Variants in CNTN3 observed in about 807,000 individuals in gnomAD.
The protein encoded by CNTN3 is contactin 3.
In CNTN3, 60 loss-of-function variants were observed where a neutral mutation model predicts 119.1. The ratio of observed to expected loss-of-function variants is 0.50; its 90% CI spans 0.41 to 0.62. CNTN3 has a LOEUF of 0.62. CNTN3 is among the 20% of genes least tolerant of loss of function. CNTN3 has a pLI of 0.00. For missense variants in CNTN3, 1,101 were observed against 1,242.4 expected (o/e 0.89, Z 1.71); for synonymous variants, 450 against 438.7 (o/e 1.03, Z -0.32).
chr3:74,346,382 T>G (rs2106737330), intron 11 of CNTN3, among the ~76,000 whole-genome samples: 1 of 152,054 alleles, frequency 6.6e-6, no homozygotes, highest in South Asian at 2.1e-4. Flanking sequence ...ATATATTCCT[T>G]CTCAATTATA....
chr3:74,279,988 C>A (rs1701968933), intron 20 of CNTN3, among the ~76,000 whole-genome samples: 1 of 151,948 alleles, frequency 6.6e-6, no homozygotes, highest in Admixed American at 6.6e-5. Context: ...AATAACTGTA[C>A]ATTTTTATAT....
intron 4 of CNTN3, among the ~76,000 whole-genome samples, chr3:74,453,690 T>C (rs1272114909): frequency 4.4e-4 from 67 of 150,832 alleles, no homozygotes; most frequent in Middle Eastern, 3.4e-3. Context: ...GCTTTGAATG[T>C]GTCCCAGAGA....
intron 1 of CNTN3, among the ~76,000 whole-genome samples, chr3:74,587,855 G>C (rs902355653): frequency 6.6e-6 from 1 of 152,172 alleles, no homozygotes; most frequent in African/African-American, 2.4e-5. Flanking sequence ...GTGAGAGAGG[G>C]CATCCCTGTC....
intron 4 of CNTN3, among the ~76,000 whole-genome samples, chr3:74,445,799 T>C (rs1702039474): frequency 6.6e-6 from 1 of 152,154 alleles, no homozygotes; most frequent in African/African-American, 2.4e-5. Context: ...CATTCTTCAT[T>C]GGTGTTTAAA....
intron 4 of CNTN3, among the ~76,000 whole-genome samples, chr3:74,484,818 C>G (rs1025843286): frequency 8.5e-5 from 13 of 152,128 alleles, no homozygotes; most frequent in Admixed American, 2.0e-4. Flanking sequence ...TTAAACAGCT[C>G]CAAGACTCAA....
intron 5 of CNTN3, among the ~76,000 whole-genome samples, chr3:74,422,561 A>G (rs953172572): frequency 6.6e-6 from 1 of 152,172 alleles, no homozygotes; most frequent in African/African-American, 2.4e-5. Flanking sequence ...TGTTTCCTCC[A>G]ACAGCTTACT....
At chr3:74,309,011 G>A (rs539213291) in intron 13 of CNTN3, among the ~76,000 whole-genome samples, 73 of 152,234 alleles carry the variant, frequency 4.8e-4, no homozygotes, top group Non-Finnish European at 9.0e-4. Context: ...AGCCGGAGAC[G>A]TTTGCTCTGT....
chr3:74,605,607 T>C (rs1050648780), intron 1 of CNTN3, among the ~76,000 whole-genome samples: 8 of 152,122 alleles, frequency 5.3e-5, no homozygotes, highest in Non-Finnish European at 2.9e-5. Context: ...GATAGCTTAA[T>C]TGGGACTGAT....
intron 11 of CNTN3, among the ~76,000 whole-genome samples, chr3:74,357,873 C>T (rs1349774222): frequency 1.3e-5 from 2 of 152,076 alleles, no homozygotes; most frequent in African/African-American, 4.8e-5. Flanking sequence ...ATTCATTTCT[C>T]CTTCAAATAA....
intron 4 of CNTN3, among the ~76,000 whole-genome samples, chr3:74,459,897 T>TATAA (rs1702334832): frequency 6.6e-6 from 1 of 152,080 alleles, no homozygotes; most frequent in Non-Finnish European, 1.5e-5. Flanking sequence ...CAGAATTATT[T>TATAA]ATAACATCTG....
chr3:74,334,724 C>A lies in CNTN3; in HGVS notation c.1668+11G>T, dbSNP rs1289528439. 1 of 1,610,482 alleles carries A rather than the reference C, an allele frequency of 6.2e-7. No homozygotes were observed. Among genetic ancestry groups the A allele is most frequent in the Non-Finnish European group, 8.5e-7 (1 of 1,177,960 alleles). ...CAATATAAAAAGTATGAGGAAAGTG[C>A]CACAACTTACCCCACCAACTTTCTC... On this transcript the variant is annotated intron_variant, in intron 13 of 22. Transcript: ENST00000263665.
intron 19 of CNTN3, among the ~76,000 whole-genome samples, chr3:74,286,060 ATCTC>A (rs1247788696): frequency 6.6e-6 from 1 of 152,008 alleles, no homozygotes; most frequent in African/African-American, 2.4e-5. Flanking sequence ...AGAACAGACT[ATCTC>A]TATGCTAATT....
At chr3:74,384,636 T>A (rs867850764) in intron 5 of CNTN3, among the ~76,000 whole-genome samples, 1 of 152,238 alleles carries the variant, frequency 6.6e-6, no homozygotes, top group Non-Finnish European at 1.5e-5. Context: ...TGATTTACCT[T>A]GGTTTTTGAC....
At position 74,263,971 on chromosome 3, in the gene CNTN3, T is replaced by C. The variant is rs1701621640; in HGVS notation, c.*430A>G. On this transcript the variant is annotated 3_prime_UTR_variant, in exon 23 of 23. Transcript: ENST00000263665. ...AATGTATTTTTCATCCTTGGGGACT[T>C]AAATCAGCATTTCAAATTGATACTG... 6.6e-6 allele frequency: 1 copy of C among 152,554 alleles called. No homozygotes were observed. Among genetic ancestry groups the C allele is most frequent in the South Asian group, 2.1e-4 (1 of 4,830 alleles). 9.5% of individuals were successfully genotyped at this position (152,554 alleles called of 1,614,324 possible).
At position 74,424,835 on chromosome 3, in the gene CNTN3, C is replaced by T; in HGVS notation, c.454+10G>A. 1 of 1,611,720 alleles carries T rather than the reference C, an allele frequency of 6.2e-7. No individual in the cohort carries two copies. The highest frequency in any genetic ancestry group is 8.5e-7 in the Non-Finnish European group (1 of 1,178,142). On this transcript the variant is annotated intron_variant, in intron 5 of 22. Transcript: ENST00000263665. ...ATAAATATGAAAAGCAGAAACAGAGCATGACTTACCTCCAGAGTGTGGTGG... is the reference window on the plus strand; with the variant it reads ...ATAAATATGAAAAGCAGAAACAGAGTATGACTTACCTCCAGAGTGTGGTGG...
At chr3:74,366,771 T>C (rs1425334967) in intron 8 of CNTN3, among the ~76,000 whole-genome samples, 6 of 74,752 alleles carry the variant, frequency 8.0e-5, no homozygotes, top group African/African-American at 2.8e-4. Flanking sequence ...TGTGTGTGTG[T>C]GTGTGTGTGT....
intron 4 of CNTN3, among the ~76,000 whole-genome samples, chr3:74,455,799 T>G (rs1055827555): frequency 2.6e-5 from 4 of 151,952 alleles, no homozygotes; most frequent in Non-Finnish European, 5.9e-5. Context: ...GCCCTGGTTT[T>G]CAAGCTTCAC....
chr3:74,483,133 T>A lies in CNTN3; in HGVS notation c.358+3323A>T, dbSNP rs150377979. 3.3e-4 allele frequency among the ~76,000 whole-genome samples: 50 copies of A among 152,106 alleles called. No homozygotes were observed. The East Asian group carries it at 7.7e-3, about 24-fold the overall frequency. ...ATGCAGAACAAAACAAAAAATATAA[T>A]TTCACTGTACAGCAACACAGCTAAG... is the stretch of plus-strand genomic sequence containing the variant. On this transcript the variant is annotated intron_variant, in intron 4 of 22. Coordinates refer to ENST00000263665, the MANE Select transcript of CNTN3 (RefSeq NM_020872.3).
intron 19 of CNTN3, among the ~76,000 whole-genome samples, chr3:74,290,174 A>G (rs1304156105): frequency 6.6e-6 from 1 of 152,208 alleles, no homozygotes; most frequent in Non-Finnish European, 1.5e-5. Context: ...TGAACATCGT[A>G]GAGTGCAATT....
Sources: gnomAD v4.1 joint callset for allele counts (sites outside exome capture counted in the v4.1 genomes callset) on GRCh38, gnomAD v4.1.1 for gene constraint, MANE v1.5 for transcripts, NCBI Gene and HGNC (gene_info 2026-07-23, HGNC 2026-07-21) for gene names.